NUP210L: variants seen among roughly 807,000 people sequenced by gnomAD.
NUP210L encodes the protein nucleoporin 210 like.
Under a neutral mutation model 208.5 loss-of-function variants are expected in NUP210L, and 74 were observed. The observed-to-expected ratio is 0.35, with a 90% confidence interval of 0.29 to 0.43. NUP210L has a LOEUF of 0.43. Among genes scored for constraint, NUP210L ranks in the 20% least tolerant of loss-of-function variants. The pLI is 1.00. For missense variants in NUP210L, 1,843 were observed against 2,289.4 expected (o/e 0.81, Z 3.98); for synonymous variants, 780 against 816.9 (o/e 0.95, Z 0.77).
chr1:154,153,737 T>A (rs373938533), intron 1 of NUP210L, among the ~76,000 whole-genome samples: 3 of 152,296 alleles, frequency 2.0e-5, no homozygotes, highest in African/African-American at 7.2e-5. Context: ...TGAGCCACCA[T>A]GCCTGGCCTC....
Position 154,104,230 on chromosome 1 carries a change from C to G in NUP210L, c.1621-20G>C, listed in dbSNP as rs761202637. The G allele has an allele frequency of 1.2e-6, 2 of 1,605,968 alleles. No homozygotes were observed. The highest frequency in any genetic ancestry group is 1.7e-5 in the Admixed American group (1 of 59,684). On this transcript the variant is annotated intron_variant, in intron 12 of 39. Coordinates refer to ENST00000368559, the Ensembl canonical transcript of NUP210L. ...ATGTATCTGGAGGGGAAAAATTCAT[C>G]TTTCAAGAAAGTTATGTTAAAAAAA...
chr1:154,066,553 G>T (rs1336966098), intron 17 of NUP210L, among the ~76,000 whole-genome samples: 1 of 152,230 alleles, frequency 6.6e-6, no homozygotes, highest in Non-Finnish European at 1.5e-5. Context: ...GAAGCTTGCA[G>T]TGAGCTGAGA....
chr1:154,086,141 G>A (rs1655609325), intron 16 of NUP210L, among the ~76,000 whole-genome samples: 1 of 151,464 alleles, frequency 6.6e-6, no homozygotes, highest in Non-Finnish European at 1.5e-5. Flanking sequence ...GAACCCAGGA[G>A]GCAGAGATTG....
intron 12 of NUP210L, among the ~76,000 whole-genome samples, chr1:154,109,586 A>C (rs1488218789): frequency 6.6e-6 from 1 of 151,598 alleles, no homozygotes; most frequent in African/African-American, 2.4e-5. Context: ...GCTGCAGAAT[A>C]CACATTCATC....
At position 154,000,180 on chromosome 1, in the gene NUP210L, TAAG is replaced by T. The variant is rs1487379830; in HGVS notation, c.5386+673_5386+675del. On this transcript the variant is annotated intron_variant, in intron 37 of 39. Transcript: ENST00000368559. ...GTTAAATATAAAATTTAGGTAGTGT[TAAG>T]AAAGCTACCTAAAGGTTGTATTTTG... Among the ~76,000 whole-genome samples, 8 of 152,264 alleles carry T rather than the reference TAAG, an allele frequency of 5.3e-5. No individual in the cohort carries two copies. The South Asian group carries it at 1.7e-3, about 32-fold the overall frequency.
rs1650226126 is a variant in NUP210L, at chr1:154,001,759, C to G, written c.5157G>C (p.Val1719=). ...CCTCTAGCTTCCTAAGAACTCTGTC[C>G]ACTCCCAGTACTCTTATCTCCCCGA... Residue 1719 remains valine, a synonymous_variant, in exon 36 of 40, where the codon GTG becomes GTC. Coordinates refer to ENST00000368559, the Ensembl canonical transcript of NUP210L. 4.3e-6 allele frequency: 7 copies of G among 1,613,982 alleles called. No homozygotes were observed. In the South Asian group the frequency reaches 6.6e-5, roughly 15 times the overall value.
At chr1:154,101,902 C>A (rs1472586159) in intron 13 of NUP210L, among the ~76,000 whole-genome samples, 2 of 152,188 alleles carry the variant, frequency 1.3e-5, no homozygotes, top group Non-Finnish European at 2.9e-5. Flanking sequence ...GTAACCCCAG[C>A]ACTTTGGGAG....
At chr1:154,043,265 G>A (rs1652990721) in intron 27 of NUP210L, among the ~76,000 whole-genome samples, 3 of 150,690 alleles carry the variant, frequency 2.0e-5, no homozygotes, top group African/African-American at 7.3e-5. Flanking sequence ...AGTGATCCAC[G>A]CGCCTCGGCC....
At chr1:154,003,690 G>A (rs1360376423) in intron 35 of NUP210L, among the ~76,000 whole-genome samples, 1 of 151,700 alleles carries the variant, frequency 6.6e-6, no homozygotes, top group Non-Finnish European at 1.5e-5. Flanking sequence ...GTCTTGCTAT[G>A]TTGCCCAGGC....
At chr1:154,138,621 A>G (rs1339546590) in intron 5 of NUP210L, among the ~76,000 whole-genome samples, 1 of 152,206 alleles carries the variant, frequency 6.6e-6, no homozygotes, top group African/African-American at 2.4e-5. Flanking sequence ...TGTTGAACAC[A>G]TTGATTTTTA....
Position 154,080,927 on chromosome 1 carries a change from T to C in NUP210L, c.2361+8494A>G, listed in dbSNP as rs189708142. On this transcript the variant is annotated intron_variant, in intron 16 of 39. Coordinates refer to ENST00000368559, the Ensembl canonical transcript of NUP210L. ...AGGTATAAGTTGCAGTGAGTCGAGA[T>C]AGTGCCACCATACTCCAACCTGGGC... is the stretch of plus-strand genomic sequence containing the variant. Among the ~76,000 whole-genome samples the C allele has an allele frequency of 8.4e-4, 117 of 139,564 alleles. 2 individuals carry two copies. The East Asian group carries it at 0.012, about 15-fold the overall frequency. The allele number at this position is 139,564 out of a possible 152,430, so 91.6% of individuals were successfully genotyped here.
intron 3 of NUP210L, among the ~76,000 whole-genome samples, chr1:154,142,821 A>G (rs757666366): frequency 6.6e-6 from 1 of 151,906 alleles, no homozygotes; most frequent in Non-Finnish European, 1.5e-5. Context: ...GCGGGAGGGC[A>G]GAGGTTGCAG....
At chr1:154,006,150 A>G (rs916200070) in intron 35 of NUP210L, among the ~76,000 whole-genome samples, 2 of 151,752 alleles carry the variant, frequency 1.3e-5, no homozygotes, top group Non-Finnish European at 2.9e-5. Flanking sequence ...GAGCCACCGC[A>G]CCTGGCCAAA....
chr1:154,040,486 C>T (rs1652810966), intron 27 of NUP210L, among the ~76,000 whole-genome samples: 1 of 151,914 alleles, frequency 6.6e-6, no homozygotes, highest in African/African-American at 2.4e-5. Flanking sequence ...AGATTGTTTT[C>T]GTAGTGATTT....
intron 12 of NUP210L, among the ~76,000 whole-genome samples, chr1:154,114,015 C>CACGT (rs1657187350): frequency 2.7e-5 from 4 of 150,498 alleles, no homozygotes; most frequent in African/African-American, 9.8e-5. Flanking sequence ...TGGTAGTGGG[C>CACGT]GCCTGTAATC....
chr1:154,020,103 G>A (rs893099482), intron 32 of NUP210L, among the ~76,000 whole-genome samples: 3 of 152,130 alleles, frequency 2.0e-5, no homozygotes, highest in Non-Finnish European at 4.4e-5. Context: ...TATAGCATTG[G>A]GGGATTCAGC....
chr1:154,111,426 A>C (rs957489363), intron 12 of NUP210L, among the ~76,000 whole-genome samples: 1 of 151,010 alleles, frequency 6.6e-6, no homozygotes, highest in African/African-American at 2.5e-5. Context: ...ATAAATAATA[A>C]AAGTAAAATC....
At position 154,074,587 on chromosome 1, in the gene NUP210L, C is replaced by G. The variant is rs200222558; in HGVS notation, c.2362-4122G>C. ...CACTGCAACCCCTGCCTCCCCAGTTCAAGTGATTTTCCTGCCTCAGCCTCC... is the reference window on the plus strand; with the variant it reads ...CACTGCAACCCCTGCCTCCCCAGTTGAAGTGATTTTCCTGCCTCAGCCTCC... On this transcript the variant is annotated intron_variant, in intron 16 of 39. Transcript: ENST00000368559. Among the ~76,000 whole-genome samples, 42 of 150,780 alleles carry G rather than the reference C, an allele frequency of 2.8e-4. No individual in the cohort carries two copies. In the East Asian group the frequency reaches 7.7e-3, roughly 28 times the overall value.
exon 12 of NUP210L, chr1:154,117,876 T>G (rs753946767): frequency 1.2e-6 from 2 of 1,602,026 alleles, no homozygotes; most frequent in Non-Finnish European, 8.5e-7. Context: ...ACTGCCACCC[T>G]CTACCTGTGA....
Sources: gnomAD v4.1 joint callset for allele counts (sites outside exome capture counted in the v4.1 genomes callset) on GRCh38, gnomAD v4.1.1 for gene constraint, MANE v1.5 for transcripts, NCBI Gene and HGNC (gene_info 2026-07-23, HGNC 2026-07-21) for gene names.